Variants in FGFR1 observed in about 807,000 individuals in gnomAD.
The protein encoded by FGFR1 is FGFR1/PLAG1 fusion.
In FGFR1, 18 loss-of-function variants were observed where a neutral mutation model predicts 93.7. That is an observed-to-expected ratio of 0.19 (90% CI 0.13 to 0.28). The LOEUF (loss-of-function observed/expected upper bound fraction) is 0.28, where lower values mean the gene tolerates loss of function less well. Ranked by LOEUF, FGFR1 falls within the 10% of genes least tolerant of loss-of-function variation. The pLI, the probability that FGFR1 is intolerant of heterozygous loss-of-function variation, is 1.00. For synonymous variants in FGFR1, 448 were observed against 429.3 expected, an observed-to-expected ratio of 1.04 and a Z score of -0.54; for missense variants, 731 against 1,080.4, an observed-to-expected ratio of 0.68 and a Z score of 4.53.
rs1822101223 is a variant in FGFR1 at position 38,429,593 on chromosome 8, G to A, written c.358+89C>T. ...GCAGAGTGGGGGCAGATCACGGAGGGGGAGGAGGTTCACCTTCCTCTGAAA... is the reference window on the plus strand; with the variant it reads ...GCAGAGTGGGGGCAGATCACGGAGGAGGAGGAGGTTCACCTTCCTCTGAAA... On this transcript the variant is annotated intron_variant, in intron 3 of 17. Transcript: ENST00000447712. This position sits in a 1 kb window ranked among gnomAD's most constrained non-coding sequence, Gnocchi z 4.4. 2.9e-6 allele frequency: 4 copies of A among 1,363,954 alleles called. No homozygotes were observed. The African/African-American group carries it at 5.7e-5, about 20-fold the overall frequency. 84.5% of individuals were successfully genotyped at this position (1,363,954 alleles called of 1,614,324 possible). A position where few individuals can be genotyped will look rare whatever the true frequency, so the allele number is the denominator to read the frequency against.
rs981514968 is a variant in FGFR1 at position 38,411,697 on chromosome 8, G to A, written c.*1931C>T. 8 of 230,422 alleles carry A rather than the reference G, an allele frequency of 3.5e-5. No individual in the cohort carries two copies. Among genetic ancestry groups the A allele is most frequent in the Admixed American group, 1.1e-4 (2 of 17,648 alleles). The allele number at this position is 230,422 out of a possible 1,614,324, so 14.3% of individuals were successfully genotyped here. A position where few individuals can be genotyped will look rare whatever the true frequency, so the allele number is the denominator to read the frequency against. ...AGTGGTAGTTTGAGCCATGAGGTAC[G>A]GGGGAGCCAGAATCCACTTAGTGAG... On this transcript the variant is annotated 3_prime_UTR_variant, in exon 18 of 18. Transcript: ENST00000447712.
chr8:38,454,377 A>G (rs1011655251), intron 2 of FGFR1, among the ~76,000 whole-genome samples: 8 of 152,136 alleles, frequency 5.3e-5, no homozygotes, highest in African/African-American at 1.9e-4. Flanking sequence ...GCTCCTTGCT[A>G]CTCTTCCACT....
intron 9 of FGFR1, among the ~76,000 whole-genome samples, chr8:38,419,010 A>G (rs533191509): frequency 6.6e-6 from 1 of 152,202 alleles, no homozygotes; most frequent in East Asian, 1.9e-4. Flanking sequence ...TATAAAGGGG[A>G]GTTTCCCTGT....
intron 2 of FGFR1, among the ~76,000 whole-genome samples, chr8:38,436,824 C>T (rs1825632847): frequency 6.6e-6 from 1 of 152,168 alleles, no homozygotes; most frequent in Non-Finnish European, 1.5e-5. Flanking sequence ...AATCCCTCTT[C>T]CCTTCCTACT....
At chr8:38,464,329 A>C (rs1291901440) in intron 1 of FGFR1, among the ~76,000 whole-genome samples, 3 of 151,586 alleles carry the variant, frequency 2.0e-5, no homozygotes, top group African/African-American at 7.3e-5. Flanking sequence ...AAAAAAAAAA[A>C]AAAAAAGCAA....
chr8:38,444,055 A>T (rs1482150596), intron 2 of FGFR1, among the ~76,000 whole-genome samples: 1 of 92,430 alleles, frequency 1.1e-5, no homozygotes. Context: ...CTGTCTCAAA[A>T]AAAAAAAAAA....
intron 2 of FGFR1, among the ~76,000 whole-genome samples, chr8:38,446,369 C>A (rs1219843599): frequency 6.6e-6 from 1 of 152,054 alleles, no homozygotes; most frequent in African/African-American, 2.4e-5. Context: ...CGCCACCACA[C>A]CCGGCTAGTT....
intron 2 of FGFR1, 78 bp from the exon 3 acceptor site, chr8:38,430,026 A>C: frequency 7.0e-7 from 1 of 1,425,716 alleles, no homozygotes; most frequent in Non-Finnish European, 9.5e-7. Flanking sequence ...GGGGAGAGAC[A>C]AAGGGAATTA....
At chr8:38,452,132 T>C (rs966609158) in intron 2 of FGFR1, among the ~76,000 whole-genome samples, 1 of 151,128 alleles carries the variant, frequency 6.6e-6, no homozygotes, top group African/African-American at 2.4e-5. Context: ...TCAGGAGCAC[T>C]TGCAGACTGA....
At chr8:38,438,674 G>A (rs929951241) in intron 2 of FGFR1, among the ~76,000 whole-genome samples, 1 of 152,140 alleles carries the variant, frequency 6.6e-6, no homozygotes, top group African/African-American at 2.4e-5. Flanking sequence ...AGGTAGCCTG[G>A]TTCTCCAGAA....
chr8:38,414,399 G>C, intron 15 of FGFR1, 110 bp from the exon 16 acceptor site: 2 of 1,572,756 alleles, frequency 1.3e-6, no homozygotes, highest in African/African-American at 2.7e-5. Context: ...GAACAGATCA[G>C]CCTTTCAACA....
chr8:38,448,014 A>G (rs185872561), intron 2 of FGFR1, among the ~76,000 whole-genome samples: 1 of 152,360 alleles, frequency 6.6e-6, no homozygotes, highest in African/African-American at 2.4e-5. Flanking sequence ...ACAATGGAAC[A>G]TTATGTAGTT....
intron 2 of FGFR1, 97 bp downstream of exon 2, chr8:38,457,259 C>T (rs1376987153): frequency 7.3e-7 from 1 of 1,363,306 alleles, no homozygotes; most frequent in Admixed American, 1.9e-5. Context: ...AGGAGCCTTC[C>T]CTGTTGACCA....
chr8:38,440,685 A>T (rs886630313), intron 2 of FGFR1, among the ~76,000 whole-genome samples: 1 of 152,096 alleles, frequency 6.6e-6, no homozygotes, highest in African/African-American at 2.4e-5. Context: ...CTCCACATTC[A>T]GCCTGACAAA....
chr8:38,412,520 G>T lies in FGFR1; in HGVS notation c.*1108C>A. On this transcript the variant is annotated 3_prime_UTR_variant, in exon 18 of 18. Transcript: ENST00000447712. ...CATGGATGGGGTTCCTGCCCTCGAA[G>T]CAGACATCTTCTTTTTCTGACTTTC... 4.3e-6 allele frequency: 1 copy of T among 232,928 alleles called. No individual in the cohort carries two copies. The highest frequency in any genetic ancestry group is 8.5e-6 in the Non-Finnish European group (1 of 117,802). 14.4% of individuals were successfully genotyped at this position (232,928 alleles called of 1,614,324 possible).
At chr8:38,457,094 C>G (rs1434452290) in intron 2 of FGFR1, among the ~76,000 whole-genome samples, 1 of 152,118 alleles carries the variant, frequency 6.6e-6, no homozygotes, top group African/African-American at 2.4e-5. Flanking sequence ...CATAAATTAC[C>G]CCCCACAAAC....
chr8:38,446,247 T>C (rs1829238874), intron 2 of FGFR1, among the ~76,000 whole-genome samples: 1 of 149,960 alleles, frequency 6.7e-6, no homozygotes, highest in Non-Finnish European at 1.5e-5. Context: ...AGTCTTGCTA[T>C]GTAGCCAGGC....
At position 38,426,399 on chromosome 8, in the gene FGFR1, C is replaced by T. The variant is rs1468714712; in HGVS notation, c.622-154G>A. On this transcript the variant is annotated intron_variant, in intron 5 of 17. Coordinates refer to ENST00000447712, the MANE Select transcript of FGFR1 (RefSeq NM_023110.3). The surrounding 1 kb of genome is among the most constrained non-coding windows in gnomAD (Gnocchi z 4.1). ...GTTGGCTAGGACAAGGCGTGGATTG[C>T]CCCCCTACCAGCCCGTTCACACTCT... is the stretch of plus-strand genomic sequence containing the variant. Among the ~76,000 whole-genome samples, 1 of 152,170 alleles carries T rather than the reference C, an allele frequency of 6.6e-6. No homozygotes were observed. Among genetic ancestry groups the T allele is most frequent in the East Asian group, 1.9e-4 (1 of 5,190 alleles).
chr8:38,428,424 A>C lies in FGFR1; in HGVS notation c.370T>G (p.Ser124Ala). ...FSVNVSDALP[S>A]SEDDDDDDDS... is the part of the protein sequence containing the mutation. ...TCATCATCATCATCATCCTCCGAGG[A>C]GGGGAGAGCATCTATGGGAAGAAGA... The change falls in exon 4 of 18, where the codon TCC becomes GCC. Residue 124 changes from serine to alanine, a missense_variant. By Grantham distance (99) the Ser-to-Ala change is moderately conservative. This residue lies in a region of FGFR1 where 212 missense variants were observed against 205.8 expected (regional missense o/e 1.03). Transcript: ENST00000447712. 1.9e-6 allele frequency: 3 copies of C among 1,612,894 alleles called. No homozygotes were observed. The highest frequency in any genetic ancestry group is 2.5e-6 in the Non-Finnish European group (3 of 1,179,644).
Sources: allele counts gnomAD v4.1 joint callset (sites outside exome capture counted in the v4.1 genomes callset), GRCh38; gene constraint gnomAD v4.1.1; regional missense constraint gnomAD v4.1.1; non-coding constraint Gnocchi (gnomAD v3.1); transcripts MANE v1.5; gene names NCBI Gene and HGNC (gene_info 2026-07-23, HGNC 2026-07-21).